STX1A: variants seen among roughly 807,000 people sequenced by gnomAD.
STX1A encodes the protein syntaxin-1A.
In STX1A, 4 loss-of-function variants were observed where a neutral mutation model predicts 37.8. That is an observed-to-expected ratio of 0.11 (90% CI 0.05 to 0.24). The LOEUF (loss-of-function observed/expected upper bound fraction) is 0.24, where lower values mean the gene tolerates loss of function less well. STX1A is among the 10% of genes least tolerant of loss of function. The pLI is 1.00. For synonymous variants in STX1A, 135 were observed against 147.4 expected, an observed-to-expected ratio of 0.92 and a Z score of 0.61; for missense variants, 251 against 399.9, an observed-to-expected ratio of 0.63 and a Z score of 3.18.
Position 73,700,575 on chromosome 7 carries a change from G to A in STX1A, c.790-91C>T. On this transcript the variant is annotated intron_variant, in intron 9 of 9. Coordinates refer to ENST00000222812, the MANE Select transcript of STX1A (RefSeq NM_004603.4). The surrounding 1 kb of genome is among the most constrained non-coding windows in gnomAD (Gnocchi z 4.4). ...AAAGGCTGAGGACTGGACAGTCGGG[G>A]GGGATCCAAGCAGGGGAAGGTGACG... The A allele has an allele frequency of 1.3e-6, 2 of 1,534,244 alleles. No homozygotes were observed. Among genetic ancestry groups the A allele is most frequent in the Non-Finnish European group, 1.8e-6 (2 of 1,125,860 alleles).
chr7:73,707,174 G>A (rs1563573193), intron 3 of STX1A, among the ~76,000 whole-genome samples: 2 of 152,176 alleles, frequency 1.3e-5, no homozygotes, highest in South Asian at 2.1e-4. Flanking sequence ...CATCCCTGGG[G>A]CTCATGGTGA....
Position 73,709,752 on chromosome 7 carries a change from G to C in STX1A, c.31-630C>G, listed in dbSNP as rs1002263780. Reference sequence around the variant, plus strand: ...TTCAGGTGGAGCCCAGAGGTCCCAAGCTCCCTTTCCAGAGTGGGCCCTATA... The same window carrying C: ...TTCAGGTGGAGCCCAGAGGTCCCAACCTCCCTTTCCAGAGTGGGCCCTATA... On this transcript the variant is annotated intron_variant, in intron 1 of 9. Transcript: ENST00000222812. This position sits in a 1 kb window ranked among gnomAD's most constrained non-coding sequence, Gnocchi z 4.2. Among the ~76,000 whole-genome samples, 6 of 152,098 alleles carry C rather than the reference G, an allele frequency of 3.9e-5. No individual in the cohort carries two copies. The highest frequency in any genetic ancestry group is 7.4e-5 in the Non-Finnish European group (5 of 68,022).
chr7:73,703,109 G>A (rs920170102), intron 7 of STX1A, 127 bp from the exon 8 acceptor site: 120 of 804,506 alleles, frequency 1.5e-4, no homozygotes, highest in Non-Finnish European at 2.0e-4. Context: ...CTCCCAAGCC[G>A]CAGCCTTCCC....
At chr7:73,710,344 C>A (rs2116758719) in intron 1 of STX1A, among the ~76,000 whole-genome samples, 1 of 152,394 alleles carries the variant, frequency 6.6e-6, no homozygotes, top group East Asian at 1.9e-4. Flanking sequence ...GCAGCCAAGG[C>A]AAGGATATCC....
chr7:73,713,017 T>C (rs1486218881), intron 1 of STX1A, among the ~76,000 whole-genome samples: 2 of 152,248 alleles, frequency 1.3e-5, no homozygotes, highest in Non-Finnish European at 1.5e-5. Context: ...AGTGATCATG[T>C]AGCATTTCCT....
rs1470655667 is a variant in STX1A at position 73,717,105 on chromosome 7, C to T, written c.30+2497G>A. 2.0e-5 allele frequency among the ~76,000 whole-genome samples: 3 copies of T among 151,910 alleles called. No homozygotes were observed. The highest frequency in any genetic ancestry group is 6.6e-5 in the Admixed American group (1 of 15,230). ...GCCGGGCCTGCAGAGTGAGGAAACG[C>T]GCCAGCTCCTTCCCCAAGTGTGACT... On this transcript the variant is annotated intron_variant, in intron 1 of 9. Coordinates refer to ENST00000222812, the MANE Select transcript of STX1A (RefSeq NM_004603.4). This position sits in a 1 kb window ranked among gnomAD's most constrained non-coding sequence, Gnocchi z 4.1.
chr7:73,719,341 G>A (rs2116786540), intron 1 of STX1A, among the ~76,000 whole-genome samples: 1 of 152,282 alleles, frequency 6.6e-6, no homozygotes, highest in Admixed American at 6.5e-5. Context: ...AGAGGGCCCC[G>A]AAAAGTTTAT....
At chr7:73,719,167 C>G (rs1295902523) in intron 1 of STX1A, among the ~76,000 whole-genome samples, 1 of 151,894 alleles carries the variant, frequency 6.6e-6, no homozygotes, top group Admixed American at 6.5e-5. Flanking sequence ...TCTGTCTACA[C>G]CAAGGAGGTT....
Position 73,702,469 on chromosome 7 carries a change from T to C in STX1A, c.678+376A>G, listed in dbSNP as rs1554616023. ...CTTCGATTTGTTCTTAGGCAACTCT[T>C]TTGCCCAACAGCCATTCACTCCAGG... On this transcript the variant is annotated intron_variant, in intron 8 of 9. Transcript: ENST00000222812. The surrounding 1 kb of genome is among the most constrained non-coding windows in gnomAD (Gnocchi z 4.7). 2.4e-6 allele frequency: 1 copy of C among 411,104 alleles called. No homozygotes were observed. The highest frequency in any genetic ancestry group is 4.3e-6 in the Non-Finnish European group (1 of 234,968). 25.5% of individuals were successfully genotyped at this position (411,104 alleles called of 1,614,324 possible). A position where few individuals can be genotyped will look rare whatever the true frequency, so the allele number is the denominator to read the frequency against.
chr7:73,708,038 G>A (rs1258707265), intron 3 of STX1A, among the ~76,000 whole-genome samples: 1 of 151,760 alleles, frequency 6.6e-6, no homozygotes, highest in Non-Finnish European at 1.5e-5. Context: ...GGCTGAAGCA[G>A]GTGGATCACG....
chr7:73,704,391 G>C lies in STX1A; in HGVS notation c.316C>G (p.Leu106Val). The part of the protein sequence containing the change: ...IEQSIEQEEG[L>V]NRSSADLRIR... Reference sequence around the variant, plus strand: ...CTCAGGTCAGCGGAGGAGCGGTTCAGGCCTTCCTCTTGCTCGATGGACTGC... The same window carrying C: ...CTCAGGTCAGCGGAGGAGCGGTTCACGCCTTCCTCTTGCTCGATGGACTGC... Residue 106 changes from leucine to valine, a missense_variant, in exon 5 of 10, where the codon CTG becomes GTG. Physicochemically the swap from Leu to Val is conservative, Grantham distance 32. Around this residue, in one of 2 missense-constraint regions of STX1A, gnomAD observed 214 missense variants for 367.6 expected, o/e 0.58. Coordinates refer to ENST00000222812, the MANE Select transcript of STX1A (RefSeq NM_004603.4). The C allele has an allele frequency of 1.2e-6, 2 of 1,614,184 alleles. No homozygotes were observed. Among genetic ancestry groups the C allele is most frequent in the East Asian group, 4.5e-5 (2 of 44,884 alleles).
At chr7:73,703,679 G>T in intron 7 of STX1A, 76 bp downstream of exon 7, 1 of 1,516,800 alleles carries the variant, frequency 6.6e-7, no homozygotes, top group South Asian at 1.2e-5. Flanking sequence ...ATACTGTCCA[G>T]ACCCAGCACT....
chr7:73,701,175 G>A, intron 8 of STX1A: 1 of 575,674 alleles, frequency 1.7e-6, no homozygotes, highest in Non-Finnish European at 3.1e-6. Context: ...GAGTGGGTAT[G>A]CTGGAGTCTG....
chr7:73,707,137 T>A (rs1419105041), intron 3 of STX1A, among the ~76,000 whole-genome samples: 3 of 152,126 alleles, frequency 2.0e-5, no homozygotes, highest in Admixed American at 2.0e-4. Context: ...TGGCCAGCGC[T>A]TGCCTCCCTC....
In STX1A at chr7:73,699,637, G is replaced by A. The variant is rs1798572972; in HGVS notation, c.*770C>T. On this transcript the variant is annotated 3_prime_UTR_variant, in exon 10 of 10. Transcript: ENST00000222812. The stretch of plus-strand genomic sequence containing the variant: ...TGACTTCCCAGAGCGCAAGACAACA[G>A]GAGCCACCATCCCAAACATGCAACG... 6.6e-6 allele frequency: 1 copy of A among 152,620 alleles called. No homozygotes were observed. The highest frequency in any genetic ancestry group is 2.1e-4 in the South Asian group (1 of 4,828). 9.5% of individuals were successfully genotyped at this position (152,620 alleles called of 1,614,324 possible).
rs553961515 is a variant in STX1A, at chr7:73,704,182, G to C, written c.432C>G (p.Arg144=). Residue 144 remains arginine, a synonymous_variant, in exon 6 of 10, where the codon CGC becomes CGG. Transcript: ENST00000222812. ...GCTGCCTCTGGATGCGGCCTTTGCA[G>C]CGCTCGCGGTAGTCGGACTGCGTGG... The part of the protein sequence containing the change: ...YNATQSDYRE[R]CKGRIQRQLE... 14 of 1,612,670 alleles carry C rather than the reference G, an allele frequency of 8.7e-6. No homozygotes were observed. In the South Asian group the frequency reaches 1.4e-4, roughly 16 times the overall value.
At chr7:73,707,944 AAAAAGAAAAAAG>A (rs1277620713) in intron 3 of STX1A, among the ~76,000 whole-genome samples, 2 of 148,926 alleles carry the variant, frequency 1.3e-5, no homozygotes, top group African/African-American at 2.5e-5. Context: ...TGAAAAAAAA[AAAAAGAAAAAAG>A]AAAAGAAAAA....
At chr7:73,701,045 C>G (rs1035871366) in intron 8 of STX1A, 2 of 961,866 alleles carry the variant, frequency 2.1e-6, no homozygotes, top group Non-Finnish European at 3.0e-6. Flanking sequence ...TCCCACATTT[C>G]CCCGCAGAGC....
rs1203066940 is a variant in STX1A, at chr7:73,717,248, A to G, written c.30+2354T>C. Among the ~76,000 whole-genome samples, 2 of 152,040 alleles carry G rather than the reference A, an allele frequency of 1.3e-5. No individual in the cohort carries two copies. Among genetic ancestry groups the G allele is most frequent in the Non-Finnish European group, 2.9e-5 (2 of 67,972 alleles). On this transcript the variant is annotated intron_variant, in intron 1 of 9. Transcript: ENST00000222812. This position sits in a 1 kb window ranked among gnomAD's most constrained non-coding sequence, Gnocchi z 4.1. Reference sequence around the variant, plus strand: ...AGGGAGGGAGGGCTGGGAGCGGTGCACAGCCGCTGTCCCCAGCACCATCTC... The same window carrying G: ...AGGGAGGGAGGGCTGGGAGCGGTGCGCAGCCGCTGTCCCCAGCACCATCTC...
Sources: gnomAD v4.1 joint callset for allele counts (sites outside exome capture counted in the v4.1 genomes callset) on GRCh38, gnomAD v4.1.1 for gene constraint, gnomAD v4.1.1 regional missense constraint, Gnocchi (gnomAD v3.1) non-coding constraint, MANE v1.5 for transcripts, NCBI Gene and HGNC (gene_info 2026-07-23, HGNC 2026-07-21) for gene names.